SSH2: variants seen among roughly 807,000 people sequenced by gnomAD.
SSH2 encodes the protein slingshot protein phosphatase 2.
Under a neutral mutation model 135.2 loss-of-function variants are expected in SSH2, and 37 were observed. The ratio of observed to expected loss-of-function variants is 0.27; its 90% CI spans 0.21 to 0.36. SSH2 has a LOEUF of 0.36. SSH2 is among the 10% of genes least tolerant of loss of function. SSH2 has a pLI of 1.00. For synonymous variants in SSH2, 628 were observed against 646.2 expected (o/e 0.97, Z 0.43); for missense variants, 1,408 against 1,765.3 (o/e 0.80, Z 3.63).
Position 29,636,613 on chromosome 17 carries a change from G to A in SSH2, c.1617C>T (p.Val539=), listed in dbSNP as rs771069166. 37 of 1,613,980 alleles carry A rather than the reference G, an allele frequency of 2.3e-5. No homozygotes were observed. Among genetic ancestry groups the A allele is most frequent in the Non-Finnish European group, 3.4e-6 (4 of 1,180,032 alleles). ...PIPPVFVEHM[V]PQDANQKGLC... ...GGCCTTTCTGATTTGCATCTTGTGG[G>A]ACCATATGTTCCACAAAGACAGGAG... The change falls in exon 15 of 16, where the codon GTC becomes GTT. Residue 539 remains valine, a synonymous_variant. Coordinates refer to ENST00000540801, the MANE Select transcript of SSH2 (RefSeq NM_001282129.2).
At chr17:29,731,082 T>C (rs1319943519) in intron 3 of SSH2, among the ~76,000 whole-genome samples, 3 of 152,318 alleles carry the variant, frequency 2.0e-5, no homozygotes, top group Non-Finnish European at 2.9e-5. Flanking sequence ...ACTTCACTTA[T>C]GTCTGGGTGC....
chr17:29,690,917 TACAC>T (rs150436102), intron 5 of SSH2, among the ~76,000 whole-genome samples: 3 of 149,946 alleles, frequency 2.0e-5, no homozygotes, highest in South Asian at 2.1e-4. Flanking sequence ...TCTCACTCTT[TACAC>T]ACACACACAC....
chr17:29,701,889 A>T lies in SSH2; in HGVS notation c.292+1070T>A, dbSNP rs7503917. Among the ~76,000 whole-genome samples, 300 of 129,148 alleles carry T rather than the reference A, an allele frequency of 2.3e-3. No individual in the cohort carries two copies. The South Asian group carries it at 0.025, about 11-fold the overall frequency. 84.7% of individuals were successfully genotyped at this position (129,148 alleles called of 152,430 possible). On this transcript the variant is annotated intron_variant, in intron 4 of 15. Transcript: ENST00000540801. ...CCTGGCCACATTTGGCTAATTTAAA[A>T]TTTTTTTTTTTTTTTTTTTGTAGAG...
chr17:29,728,375 A>G (rs977527618), intron 3 of SSH2, among the ~76,000 whole-genome samples: 1 of 152,228 alleles, frequency 6.6e-6, no homozygotes, highest in African/African-American at 2.4e-5. Context: ...AATAAAAACT[A>G]TAACACACAG....
At chr17:29,704,354 C>T (rs1189907775) in intron 3 of SSH2, among the ~76,000 whole-genome samples, 1 of 152,242 alleles carries the variant, frequency 6.6e-6, no homozygotes, top group Non-Finnish European at 1.5e-5. Flanking sequence ...GTTTGTCATT[C>T]ACAAGATGAT....
At chr17:29,762,684 AG>A (rs747580445) in intron 3 of SSH2, among the ~76,000 whole-genome samples, 10 of 152,198 alleles carry the variant, frequency 6.6e-5, no homozygotes, top group Non-Finnish European at 1.5e-5. Flanking sequence ...TCACCTGACC[AG>A]GGACCAGCTC....
chr17:29,695,606 G>A, intron 4 of SSH2, 83 bp from the exon 5 acceptor site: 1 of 1,197,908 alleles, frequency 8.3e-7, no homozygotes, highest in Non-Finnish European at 1.2e-6. Context: ...AGTGACTTTT[G>A]TAAAAGAAAG....
intron 11 of SSH2, among the ~76,000 whole-genome samples, chr17:29,661,061 CAAAAAA>C (rs374216221): frequency 1.0e-4 from 5 of 48,330 alleles, no homozygotes; most frequent in African/African-American, 3.4e-4. Flanking sequence ...AATTCCATCT[CAAAAAA>C]AAAAAAAAAA....
chr17:29,890,851 G>A (rs189868195), intron 1 of SSH2, among the ~76,000 whole-genome samples: 1 of 152,290 alleles, frequency 6.6e-6, no homozygotes, highest in East Asian at 1.9e-4. Context: ...TGCCTCCTGT[G>A]TTCAAGTGAT....
intron 11 of SSH2, among the ~76,000 whole-genome samples, chr17:29,658,696 C>T (rs891993986): frequency 3.3e-5 from 5 of 151,752 alleles, no homozygotes; most frequent in African/African-American, 7.3e-5. Context: ...GGAGAAACCC[C>T]GTCTCTACTA....
chr17:29,919,256 TAAATC>T, intron 1 of SSH2, among the ~76,000 whole-genome samples: 1 of 152,258 alleles, frequency 6.6e-6, no homozygotes, highest in South Asian at 2.1e-4. Context: ...TTCAGAAAAT[TAAATC>T]AAACAGTTCC....
At chr17:29,706,664 T>G (rs2039211898) in intron 3 of SSH2, among the ~76,000 whole-genome samples, 1 of 152,206 alleles carries the variant, frequency 6.6e-6, no homozygotes. Context: ...GAAAATATTT[T>G]AAAAATAAAG....
At chr17:29,667,916 TG>T (rs2037344379) in intron 9 of SSH2, among the ~76,000 whole-genome samples, 1 of 152,156 alleles carries the variant, frequency 6.6e-6, no homozygotes, top group Non-Finnish European at 1.5e-5. Context: ...AAATCACCCT[TG>T]GAACTTTAAT....
intron 1 of SSH2, among the ~76,000 whole-genome samples, chr17:29,855,127 CT>C (rs545365599): frequency 9.4e-5 from 14 of 148,534 alleles, no homozygotes; most frequent in Admixed American, 2.0e-4. Context: ...ATCCTCTCCT[CT>C]TTTTTTTTTG....
At position 29,631,223 on chromosome 17, in the gene SSH2, G is replaced by A. The variant is rs768106608; in HGVS notation, c.3971C>T (p.Ser1324Leu). The A allele has an allele frequency of 6.8e-6, 11 of 1,614,058 alleles. No homozygotes were observed. The highest frequency in any genetic ancestry group is 8.5e-6 in the Non-Finnish European group (10 of 1,180,042). Reference sequence around the variant, plus strand: ...TTGGTCCTCCATCGCGTGCATGCCTGAGTCTGTTCTGAGGAAAGGCTGAAG... The same window carrying A: ...TTGGTCCTCCATCGCGTGCATGCCTAAGTCTGTTCTGAGGAAAGGCTGAAG... ...KLLQPFLRTD[S>L]GMHAMEDQES... The change falls in exon 16 of 16, where the codon TCA (serine) becomes TTA (leucine). Residue 1324 changes from serine to leucine, a missense_variant. Around this residue, in one of 3 missense-constraint regions of SSH2, gnomAD observed 1,080 missense variants for 1,144.5 expected, o/e 0.94. Coordinates refer to ENST00000540801, the MANE Select transcript of SSH2 (RefSeq NM_001282129.2).
chr17:29,875,374 A>G (rs1380092182), intron 1 of SSH2, among the ~76,000 whole-genome samples: 1 of 152,148 alleles, frequency 6.6e-6, no homozygotes, highest in East Asian at 1.9e-4. Context: ...TAGGTTCTAT[A>G]TCCAAAATAT....
intron 2 of SSH2, among the ~76,000 whole-genome samples, chr17:29,844,497 A>G (rs529418087): frequency 6.6e-6 from 1 of 152,240 alleles, no homozygotes; most frequent in East Asian, 1.9e-4. Context: ...CAGGAGAGGG[A>G]AATGAAGAGA....
chr17:29,738,453 T>G (rs1487957498), intron 3 of SSH2, among the ~76,000 whole-genome samples: 1 of 152,226 alleles, frequency 6.6e-6, no homozygotes, highest in Admixed American at 6.5e-5. Flanking sequence ...AGTAATGGGA[T>G]GGCTGGGTCA....
chr17:29,895,188 T>A (rs1240887815), intron 1 of SSH2, among the ~76,000 whole-genome samples: 1 of 144,980 alleles, frequency 6.9e-6, no homozygotes, highest in Non-Finnish European at 1.5e-5. Context: ...ACATATATTT[T>A]ATATACATTA....
Sources: allele counts gnomAD v4.1 joint callset (sites outside exome capture counted in the v4.1 genomes callset), GRCh38; gene constraint gnomAD v4.1.1; regional missense constraint gnomAD v4.1.1; transcripts MANE v1.5; gene names NCBI Gene and HGNC (gene_info 2026-07-23, HGNC 2026-07-21).